Variants in B4GALNT3 observed in about 807,000 individuals in gnomAD.
The protein encoded by B4GALNT3 is beta-1,4-N-acetyl-galactosaminyltransferase 3, also known as beta-1,4-N-acetylgalactosaminyltransferase 3.
Under a neutral mutation model 120.2 loss-of-function variants are expected in B4GALNT3, and 86 were observed. That is an observed-to-expected ratio of 0.72 (90% CI 0.60 to 0.86). B4GALNT3 has a LOEUF of 0.86. B4GALNT3 is among the 40% of genes least tolerant of loss of function. B4GALNT3 has a pLI of 0.00. For synonymous variants in B4GALNT3, 518 were observed against 510.4 expected (o/e 1.01, Z -0.20); for missense variants, 1,167 against 1,298.9 (o/e 0.90, Z 1.56).
In B4GALNT3 at chr12:556,011, CT is replaced by C. The variant is rs1339056043; in HGVS notation, c.2061-535del. Among the ~76,000 whole-genome samples the C allele has an allele frequency of 2.1e-3, 322 of 151,980 alleles. 2 individuals are homozygous for C. The highest frequency in any genetic ancestry group is 4.1e-3 in the Admixed American group (63 of 15,264). ...TATTAGCCAGGCTGGTCTTGATCTCCTGACCTTGTGATCCACCTGCCTTGGC... is the reference window on the plus strand; with the variant it reads ...TATTAGCCAGGCTGGTCTTGATCTCCGACCTTGTGATCCACCTGCCTTGGC... On this transcript the variant is annotated intron_variant, in intron 14 of 19. Coordinates refer to ENST00000266383, the MANE Select transcript of B4GALNT3 (RefSeq NM_173593.4).
chr12:518,646 C>T (rs1176518956), intron 1 of B4GALNT3, among the ~76,000 whole-genome samples: 1 of 152,128 alleles, frequency 6.6e-6, no homozygotes, highest in Non-Finnish European at 1.5e-5. Context: ...GCTATCCTCC[C>T]ACCTCAGCCT....
chr12:469,041 T>TG (rs1394004632), intron 1 of B4GALNT3, among the ~76,000 whole-genome samples: 1 of 152,246 alleles, frequency 6.6e-6, no homozygotes, highest in Non-Finnish European at 1.5e-5. Flanking sequence ...TTGTAAACCT[T>TG]GAGTGGCTGC....
At chr12:546,736 G>A (rs1158918419) in intron 7 of B4GALNT3, 23 bp downstream of exon 7, 4 of 1,549,258 alleles carry the variant, frequency 2.6e-6, no homozygotes, top group Admixed American at 2.0e-5. Flanking sequence ...CAGGACAGGC[G>A]CTGTGGGCGC....
chr12:476,105 C>A (rs1264963940), intron 1 of B4GALNT3, among the ~76,000 whole-genome samples: 7 of 152,152 alleles, frequency 4.6e-5, no homozygotes, highest in Non-Finnish European at 1.0e-4. Context: ...CTTTGATCCC[C>A]GGCTCTTGTC....
chr12:471,461 C>T (rs1358608177), intron 1 of B4GALNT3, among the ~76,000 whole-genome samples: 1 of 151,766 alleles, frequency 6.6e-6, no homozygotes, highest in African/African-American at 2.4e-5. Context: ...AATCCTGGCA[C>T]TTTGGGAGGC....
chr12:502,830 C>A (rs1373927309), intron 1 of B4GALNT3, among the ~76,000 whole-genome samples: 2 of 152,212 alleles, frequency 1.3e-5, no homozygotes, highest in African/African-American at 4.8e-5. Context: ...TCATAGCTCA[C>A]TGCAGCCTTA....
intron 1 of B4GALNT3, among the ~76,000 whole-genome samples, chr12:532,802 C>G (rs1946820214): frequency 6.6e-6 from 1 of 152,144 alleles, no homozygotes; most frequent in Non-Finnish European, 1.5e-5. Context: ...TTGTCACTTC[C>G]CAGCAGATGC....
At chr12:540,142 C>T (rs928851807) in intron 3 of B4GALNT3, among the ~76,000 whole-genome samples, 3 of 152,208 alleles carry the variant, frequency 2.0e-5, no homozygotes, top group African/African-American at 7.2e-5. Flanking sequence ...AGTCAGCACT[C>T]ATGTCCTGCG....
intron 1 of B4GALNT3, among the ~76,000 whole-genome samples, chr12:493,178 TG>T (rs2120512639): frequency 6.6e-6 from 1 of 152,298 alleles, no homozygotes; most frequent in East Asian, 1.9e-4. Flanking sequence ...AGAAAACATT[TG>T]CAAAAGACAT....
Position 553,366 on chromosome 12 carries a change from G to C in B4GALNT3, c.1443G>C (p.Gln481His). 1 of 1,613,788 alleles carries C rather than the reference G, an allele frequency of 6.2e-7. No homozygotes were observed. Among genetic ancestry groups the C allele is most frequent in the South Asian group, 1.1e-5 (1 of 91,082 alleles). ...RLRSLRKLLA[Q>H]PREGLLAPFS... ...GAAGCCTGCGGAAACTCCTGGCTCAGCCCCGGGAGGGCCTGCTGGCCCCCT... is the reference window on the plus strand; with the variant it reads ...GAAGCCTGCGGAAACTCCTGGCTCACCCCCGGGAGGGCCTGCTGGCCCCCT... The change falls in exon 14 of 20, where the codon CAG (glutamine) becomes CAC (histidine). Residue 481 changes from glutamine (Q) to histidine (H), a missense_variant. Gln to His is a conservative substitution (Grantham distance 24). Coordinates refer to ENST00000266383, the MANE Select transcript of B4GALNT3 (RefSeq NM_173593.4).
intron 1 of B4GALNT3, among the ~76,000 whole-genome samples, chr12:506,710 C>T (rs534833993): frequency 7.9e-4 from 121 of 152,278 alleles, no homozygotes; most frequent in Middle Eastern, 3.4e-3. Context: ...GGTCTCGGCT[C>T]ACTGCAAGCT....
At chr12:505,927 C>T (rs1432846156) in intron 1 of B4GALNT3, among the ~76,000 whole-genome samples, 1 of 152,168 alleles carries the variant, frequency 6.6e-6, no homozygotes, top group Non-Finnish European at 1.5e-5. Flanking sequence ...ATTTGCAACT[C>T]CATCCATCTA....
intron 1 of B4GALNT3, among the ~76,000 whole-genome samples, chr12:467,745 G>GT (rs2120421411): frequency 6.6e-6 from 1 of 152,298 alleles, no homozygotes; most frequent in East Asian, 1.9e-4. Context: ...AGGATACATA[G>GT]TAGCCTCTGG....
chr12:543,420 C>T (rs56347313), intron 3 of B4GALNT3, among the ~76,000 whole-genome samples: 1 of 143,490 alleles, frequency 7.0e-6, no homozygotes, highest in Admixed American at 6.9e-5. Context: ...GCATGGGGTG[C>T]TCATCTTCCC....
chr12:488,837 G>C (rs1946314316), intron 1 of B4GALNT3, among the ~76,000 whole-genome samples: 1 of 148,322 alleles, frequency 6.7e-6, no homozygotes, highest in African/African-American at 2.5e-5. Context: ...AGAAAGAAAA[G>C]AAAAAAGAAA....
intron 1 of B4GALNT3, among the ~76,000 whole-genome samples, chr12:512,655 ACCTTCTT>A (rs1946601201): frequency 2.0e-5 from 1 of 49,106 alleles, no homozygotes; most frequent in Non-Finnish European, 4.0e-5. Context: ...TCCACCTTCC[ACCTTCTT>A]CCACCTTCCA....
chr12:480,852 G>A lies in B4GALNT3; in HGVS notation c.169+20307G>A, dbSNP rs779386725. The stretch of plus-strand genomic sequence containing the variant: ...CAGGGACTTGGGGGCACTTCCCCAG[G>A]CCCTGGTGACCGTGGTCATCTTTGT... On this transcript the variant is annotated intron_variant, in intron 1 of 19. Transcript: ENST00000266383. Among the ~76,000 whole-genome samples, 51 of 152,308 alleles carry A rather than the reference G, an allele frequency of 3.3e-4. 1 individual carries two copies. Among genetic ancestry groups the A allele is most frequent in the Admixed American group, 1.5e-3 (23 of 15,308 alleles).
At chr12:555,987 A>C (rs7315429) in intron 14 of B4GALNT3, among the ~76,000 whole-genome samples, 4 of 150,722 alleles carry the variant, frequency 2.7e-5, no homozygotes, top group Admixed American at 6.6e-5. Flanking sequence ...GTTTCACCAT[A>C]TTAGCCAGGC....
intron 1 of B4GALNT3, among the ~76,000 whole-genome samples, chr12:513,621 T>C (rs1592034605): frequency 6.6e-6 from 1 of 152,210 alleles, no homozygotes; most frequent in South Asian, 2.1e-4. Flanking sequence ...TCCTATCTTA[T>C]ACCTCCTATC....
Sources: allele counts gnomAD v4.1 joint callset (sites outside exome capture counted in the v4.1 genomes callset), GRCh38; gene constraint gnomAD v4.1.1; transcripts MANE v1.5; gene names NCBI Gene and HGNC (gene_info 2026-07-23, HGNC 2026-07-21).